RBKS: variants seen among roughly 807,000 people sequenced by gnomAD.
The protein encoded by RBKS is ribokinase.
RBKS carries 33 observed loss-of-function variants against 33.9 expected under a neutral mutation model. That is an observed-to-expected ratio of 0.97 (90% CI 0.74 to 1.30). RBKS has a LOEUF of 1.30. Ranked by LOEUF, RBKS falls within the 50% of genes most tolerant of loss-of-function variation. The pLI is 0.00. For synonymous variants in RBKS, 125 were observed against 143.0 expected, an observed-to-expected ratio of 0.87 and a Z score of 0.90; for missense variants, 361 against 392.6, an observed-to-expected ratio of 0.92 and a Z score of 0.68.
chr2:27,855,912 T>C (rs533631561), intron 2 of RBKS, among the ~76,000 whole-genome samples: 5 of 152,326 alleles, frequency 3.3e-5, no homozygotes, highest in African/African-American at 1.2e-4. Flanking sequence ...AGAAAATTTT[T>C]ACCTGTTTTT....
chr2:27,828,305 A>C (rs1201949817), intron 6 of RBKS, among the ~76,000 whole-genome samples: 1 of 152,144 alleles, frequency 6.6e-6, no homozygotes, highest in Non-Finnish European at 1.5e-5. Flanking sequence ...CCAAAAAAAA[A>C]AGAAAAAGGA....
rs115703906 is a variant in RBKS at position 27,811,406 on chromosome 2, G to A, written c.795+16161C>T. Reference sequence around the variant, plus strand: ...TGCTGAATAAGAAAGTGTACAGTGGGATGTGCCTCATTCCATTTTGCCATT... The same window carrying A: ...TGCTGAATAAGAAAGTGTACAGTGGAATGTGCCTCATTCCATTTTGCCATT... On this transcript the variant is annotated intron_variant, in intron 7 of 7. Transcript: ENST00000302188. 8.3e-3 allele frequency among the ~76,000 whole-genome samples: 1,266 copies of A among 152,282 alleles called. 14 individuals carry two copies. The highest frequency in any genetic ancestry group is 0.029 in the African/African-American group (1,195 of 41,546).
chr2:27,796,885 T>A (rs1023555905), intron 7 of RBKS, among the ~76,000 whole-genome samples: 2 of 152,080 alleles, frequency 1.3e-5, no homozygotes, highest in Non-Finnish European at 2.9e-5. Context: ...TTTCAGACAA[T>A]CCTGTCTGTC....
chr2:27,805,635 C>T (rs555683200), intron 7 of RBKS, among the ~76,000 whole-genome samples: 14 of 152,214 alleles, frequency 9.2e-5, no homozygotes, highest in African/African-American at 3.1e-4. Flanking sequence ...AGTGCAGTGG[C>T]GCGATCTCAG....
intron 4 of RBKS, 100 bp downstream of exon 4, chr2:27,846,942 G>C (rs1437139504): frequency 1.3e-6 from 1 of 777,440 alleles, no homozygotes; most frequent in Non-Finnish European, 2.2e-6. Context: ...GATGGGTATA[G>C]TAAGAGGTCC....
intron 7 of RBKS, among the ~76,000 whole-genome samples, chr2:27,783,406 T>C (rs1206961737): frequency 6.6e-6 from 1 of 152,216 alleles, no homozygotes; most frequent in Non-Finnish European, 1.5e-5. Context: ...CCATTTGATA[T>C]TATTTCTAAA....
At chr2:27,882,965 A>G (rs963328723) in intron 1 of RBKS, among the ~76,000 whole-genome samples, 3 of 152,192 alleles carry the variant, frequency 2.0e-5, no homozygotes, top group African/African-American at 7.2e-5. Context: ...ATCAGGAAAA[A>G]TAACTAATGA....
intron 2 of RBKS, among the ~76,000 whole-genome samples, chr2:27,856,052 A>G (rs1663851249): frequency 6.6e-6 from 1 of 152,268 alleles, no homozygotes; most frequent in African/African-American, 2.4e-5. Context: ...TGTATCTCAC[A>G]ATGGATAAAA....
At chr2:27,824,915 T>C (rs924779357) in intron 7 of RBKS, among the ~76,000 whole-genome samples, 5 of 152,116 alleles carry the variant, frequency 3.3e-5, no homozygotes, top group Admixed American at 6.5e-5. Flanking sequence ...AGTGGGTGGA[T>C]TGCTTGAGCC....
chr2:27,846,990 T>G, intron 4 of RBKS, 52 bp downstream of exon 4: 2 of 1,295,372 alleles, frequency 1.5e-6, no homozygotes, highest in East Asian at 2.3e-5. Context: ...CTGATCTAAC[T>G]CTGGAAATAC....
chr2:27,791,861 G>T (rs988222299), intron 7 of RBKS, among the ~76,000 whole-genome samples: 3 of 151,928 alleles, frequency 2.0e-5, no homozygotes, highest in African/African-American at 7.3e-5. Flanking sequence ...TTTCTGGGGT[G>T]ATGAAAATAC....
chr2:27,865,318 TCAAA>T (rs111615920), intron 1 of RBKS, among the ~76,000 whole-genome samples: 128 of 152,066 alleles, frequency 8.4e-4, no homozygotes, highest in East Asian at 4.4e-3. Context: ...AGACTCCTTC[TCAAA>T]CAAACAAACA....
intron 5 of RBKS, among the ~76,000 whole-genome samples, chr2:27,842,181 A>G (rs1663525647): frequency 6.6e-6 from 1 of 152,224 alleles, no homozygotes; most frequent in Admixed American, 6.5e-5. Flanking sequence ...CCCACTAGTC[A>G]GTGGTGAAAA....
chr2:27,781,781 C>T lies in RBKS; in HGVS notation c.803G>A (p.Gly268Asp), dbSNP rs968189040. ...KVKAVDTTGA[G>D]DSFVGALAFY... is the part of the protein sequence containing the mutation. ...GGCCAGAGCTCCCACAAAGCTGTCACCAGCACCCTGTAATTGAAAGCACAG... is the reference window on the plus strand; with the variant it reads ...GGCCAGAGCTCCCACAAAGCTGTCATCAGCACCCTGTAATTGAAAGCACAG... The change falls in exon 8 of 8, where the codon GGT becomes GAT. Residue 268 changes from glycine to aspartate, a missense_variant. Coordinates refer to ENST00000302188, the MANE Select transcript of RBKS (RefSeq NM_022128.3). The T allele has an allele frequency of 6.2e-7, 1 of 1,610,426 alleles. No homozygotes were observed. The highest frequency in any genetic ancestry group is 8.5e-7 in the Non-Finnish European group (1 of 1,178,494).
In RBKS at chr2:27,781,716, T is replaced by C. The variant is rs150425990; in HGVS notation, c.868A>G (p.Met290Val). Residue 290 changes from methionine (M) to valine (V), a missense_variant, in exon 8 of 8, where the codon ATG (methionine) becomes GTG (valine). Coordinates refer to ENST00000302188, the MANE Select transcript of RBKS (RefSeq NM_022128.3). ...AYYPNLSLED[M>V]LNRSNFIAAV... Reference sequence around the variant, plus strand: ...GCAATGAAATTGGATCTGTTGAGCATGTCTTCCAAGGACAGATTTGGATAG... The same window carrying C: ...GCAATGAAATTGGATCTGTTGAGCACGTCTTCCAAGGACAGATTTGGATAG... The C allele has an allele frequency of 2.0e-4, 328 of 1,614,030 alleles. No individual in the cohort carries two copies. The highest frequency in any genetic ancestry group is 2.6e-4 in the Non-Finnish European group (307 of 1,180,032).
chr2:27,868,309 C>G (rs939806622), intron 1 of RBKS, among the ~76,000 whole-genome samples: 1 of 151,904 alleles, frequency 6.6e-6, no homozygotes, highest in Non-Finnish European at 1.5e-5. Context: ...TTGAGCTTAA[C>G]AATATATTTG....
Position 27,847,118 on chromosome 2 carries a change from GA to G in RBKS, c.287-15del. 1 of 1,500,300 alleles carries G rather than the reference GA, an allele frequency of 6.7e-7. No individual in the cohort carries two copies. The highest frequency in any genetic ancestry group is 2.3e-5 in the East Asian group (1 of 44,196). The allele number at this position is 1,500,300 out of a possible 1,614,324, so 92.9% of individuals were successfully genotyped here. A position where few individuals can be genotyped will look rare whatever the true frequency, so the allele number is the denominator to read the frequency against. On this transcript the variant is annotated splice_polypyrimidine_tract_variant and intron_variant, in intron 3 of 7. Transcript: ENST00000302188. ...GATATGTAAATTCTGAAAGAAAAAA[GA>G]AAATTACAATCACATGTATACAGGC... is the stretch of plus-strand genomic sequence containing the variant.
chr2:27,889,349 G>A (rs1664649740), intron 1 of RBKS, among the ~76,000 whole-genome samples: 1 of 152,134 alleles, frequency 6.6e-6, no homozygotes, highest in Non-Finnish European at 1.5e-5. Flanking sequence ...GACGAATGAG[G>A]TGTTACTGTA....
intron 2 of RBKS, 128 bp downstream of exon 2, chr2:27,858,311 C>T (rs1663900188): frequency 2.5e-6 from 2 of 799,196 alleles, no homozygotes; most frequent in Non-Finnish European, 1.9e-6. Context: ...GTATTAAATG[C>T]CACTCTATGT....
Sources: gnomAD v4.1 joint callset for allele counts (sites outside exome capture counted in the v4.1 genomes callset) on GRCh38, gnomAD v4.1.1 for gene constraint, MANE v1.5 for transcripts, NCBI Gene and HGNC (gene_info 2026-07-23, HGNC 2026-07-21) for gene names.